Variants in PRKG1 observed in about 807,000 individuals in gnomAD.
PRKG1 encodes cGMP-dependent protein kinase 1.
Under a neutral mutation model 88.1 loss-of-function variants are expected in PRKG1, and 35 were observed. That is an observed-to-expected ratio of 0.40 (90% confidence interval 0.30 to 0.53). The LOEUF (loss-of-function observed/expected upper bound fraction) is 0.53, where lower values mean the gene tolerates loss of function less well. Ranked by LOEUF, PRKG1 falls within the 20% of genes least tolerant of loss-of-function variation. The pLI is 0.59. For missense variants in PRKG1, 540 were observed against 839.8 expected (o/e 0.64, Z 4.41); for synonymous variants, 303 against 292.5 (o/e 1.04, Z -0.37).
At chr10:52,093,132 C>A (rs191051903) in intron 7 of PRKG1, among the ~76,000 whole-genome samples, 1 of 152,190 alleles carries the variant, frequency 6.6e-6, no homozygotes, top group Non-Finnish European at 1.5e-5. Flanking sequence ...GGTTTCCTGG[C>A]ACTTGTTTAA....
intron 4 of PRKG1, among the ~76,000 whole-genome samples, chr10:51,868,170 G>A (rs1841062968): frequency 6.6e-6 from 1 of 152,178 alleles, no homozygotes; most frequent in African/African-American, 2.4e-5. Flanking sequence ...AATAAGCAAG[G>A]ACGACTTATA....
chr10:51,018,682 AAT>A (rs1457276353), intron 1 of PRKG1, among the ~76,000 whole-genome samples: 2 of 152,126 alleles, frequency 1.3e-5, no homozygotes, highest in African/African-American at 4.8e-5. Flanking sequence ...AACTTTTCTG[AAT>A]ATGTTTTTTA....
intron 4 of PRKG1, among the ~76,000 whole-genome samples, chr10:51,864,490 G>T (rs973363308): frequency 7.2e-5 from 11 of 152,192 alleles, no homozygotes; most frequent in African/African-American, 2.7e-4. Context: ...CTCTCACGTA[G>T]TAATTGCAAG....
At chr10:52,014,320 A>G (rs527541284) in intron 5 of PRKG1, among the ~76,000 whole-genome samples, 100 of 152,298 alleles carry the variant, frequency 6.6e-4, no homozygotes, top group African/African-American at 2.3e-3. Flanking sequence ...ATATGGTGGC[A>G]GGAGAGAGAG....
chr10:52,073,113 G>A (rs1231487013), intron 7 of PRKG1, among the ~76,000 whole-genome samples: 3 of 152,120 alleles, frequency 2.0e-5, no homozygotes, highest in African/African-American at 7.2e-5. Context: ...TTGTCTTGGA[G>A]CTACATCACT....
chr10:51,206,476 A>G, intron 2 of PRKG1, among the ~76,000 whole-genome samples: 1 of 151,234 alleles, frequency 6.6e-6, no homozygotes, highest in East Asian at 1.9e-4. Flanking sequence ...TGGGTGACAG[A>G]GCAAAACTCC....
chr10:52,124,728 A>C (rs1366278891), intron 7 of PRKG1, among the ~76,000 whole-genome samples: 1 of 152,062 alleles, frequency 6.6e-6, no homozygotes, highest in Non-Finnish European at 1.5e-5. Context: ...CAAACAATTC[A>C]TACAGCTGTA....
intron 3 of PRKG1, among the ~76,000 whole-genome samples, chr10:51,693,915 T>G (rs541951296): frequency 1.3e-5 from 2 of 152,150 alleles, no homozygotes; most frequent in Non-Finnish European, 2.9e-5. Context: ...CTGATTCAGT[T>G]AACATTTGAA....
chr10:51,246,307 A>G lies in PRKG1; in HGVS notation c.478+92977A>G, dbSNP rs371963006. On this transcript the variant is annotated intron_variant, in intron 2 of 17. Coordinates refer to ENST00000373980, the MANE Select transcript of PRKG1 (RefSeq NM_006258.4). ...GTTGTTTTGATAGAAACTGAAGCTGAAAAGAAATGGGAGCAGAGGTTGCAA... is the reference window on the plus strand; with the variant it reads ...GTTGTTTTGATAGAAACTGAAGCTGGAAAGAAATGGGAGCAGAGGTTGCAA... Among the ~76,000 whole-genome samples the G allele has an allele frequency of 5.9e-5, 9 of 152,242 alleles. No homozygotes were observed. In the East Asian group the frequency reaches 9.6e-4, roughly 16 times the overall value.
At chr10:51,621,381 A>G (rs778479347) in intron 3 of PRKG1, among the ~76,000 whole-genome samples, 1 of 152,140 alleles carries the variant, frequency 6.6e-6, no homozygotes, top group East Asian at 1.9e-4. Flanking sequence ...ATCACCTCAT[A>G]TAACATTTTT....
intron 5 of PRKG1, among the ~76,000 whole-genome samples, chr10:51,948,583 A>G (rs1843112274): frequency 6.6e-6 from 1 of 151,594 alleles, no homozygotes; most frequent in Non-Finnish European, 1.5e-5. Flanking sequence ...AGTAATTTTA[A>G]AAGAATACAT....
At position 50,991,420 on chromosome 10, in the gene PRKG1, C is replaced by T. The variant is rs1379084523; in HGVS notation, c.42C>T (p.Leu14=). 6.3e-7 allele frequency: 1 copy of T among 1,576,296 alleles called. No individual in the cohort carries two copies. Among genetic ancestry groups the T allele is most frequent in the Non-Finnish European group, 8.6e-7 (1 of 1,162,044 alleles). The change falls in exon 1 of 18, where the codon CTC becomes CTT. Residue 14 remains leucine (L), a synonymous_variant. Coordinates refer to the PRKG1 transcript ENST00000401604. This position sits in a 1 kb window ranked among gnomAD's most constrained non-coding sequence, Gnocchi z 4.5. ...AAGACTTTGCCAAGATTCTCATGCT[C>T]AAGGAGGAGAGGATCAAAGAGCTGG...
At chr10:51,165,504 C>T (rs1373226920) in intron 2 of PRKG1, among the ~76,000 whole-genome samples, 2 of 152,118 alleles carry the variant, frequency 1.3e-5, no homozygotes, top group Non-Finnish European at 2.9e-5. Flanking sequence ...GCAAAATAAC[C>T]AGCTAACATC....
At chr10:51,426,143 G>A (rs1447475157) in intron 2 of PRKG1, among the ~76,000 whole-genome samples, 1 of 152,066 alleles carries the variant, frequency 6.6e-6, no homozygotes, top group African/African-American at 2.4e-5. Flanking sequence ...CAGATGTGGT[G>A]ATGCGCACCC....
chr10:51,399,198 A>G (rs1362788515), intron 2 of PRKG1, among the ~76,000 whole-genome samples: 1 of 151,966 alleles, frequency 6.6e-6, no homozygotes, highest in African/African-American at 2.4e-5. Flanking sequence ...TATATGAAGG[A>G]TAATTTTATA....
intron 3 of PRKG1, among the ~76,000 whole-genome samples, chr10:51,747,209 C>T (rs1837604099): frequency 6.6e-6 from 1 of 152,198 alleles, no homozygotes; most frequent in Non-Finnish European, 1.5e-5. Context: ...ATATCACCTG[C>T]AGTTCACAGT....
At chr10:52,160,215 A>G (rs752902231) in intron 8 of PRKG1, among the ~76,000 whole-genome samples, 1 of 152,020 alleles carries the variant, frequency 6.6e-6, no homozygotes, top group African/African-American at 2.4e-5. Flanking sequence ...GGTAAGGACC[A>G]AGACATTCTA....
intron 2 of PRKG1, among the ~76,000 whole-genome samples, chr10:51,321,318 T>C (rs1841449362): frequency 6.6e-6 from 1 of 152,126 alleles, no homozygotes; most frequent in South Asian, 2.1e-4. Flanking sequence ...CAAGATTAAA[T>C]GAAATTAGGA....
At chr10:51,656,865 T>C (rs147750190) in intron 3 of PRKG1, among the ~76,000 whole-genome samples, 9 of 152,098 alleles carry the variant, frequency 5.9e-5, no homozygotes, top group Non-Finnish European at 1.0e-4. Context: ...GTCAATTAGA[T>C]TGGTAGCATA....
Sources: gnomAD v4.1 joint callset for allele counts (sites outside exome capture counted in the v4.1 genomes callset) on GRCh38, gnomAD v4.1.1 for gene constraint, Gnocchi (gnomAD v3.1) non-coding constraint, MANE v1.5 for transcripts, NCBI Gene and HGNC (gene_info 2026-07-23, HGNC 2026-07-21) for gene names.